The following SYN2 variants were observed in gnomAD, a reference collection of about 807,000 sequenced individuals.
SYN2 encodes the protein synapsin II.
A neutral mutation model predicts 50.9 loss-of-function variants in SYN2; 19 were observed. The ratio of observed to expected loss-of-function variants is 0.37; its 90% CI spans 0.26 to 0.55. The LOEUF (loss-of-function observed/expected upper bound fraction) is 0.55. Among genes scored for constraint, SYN2 ranks in the 20% least tolerant of loss-of-function variants. SYN2 has a pLI of 0.81. For synonymous variants in SYN2, 255 were observed against 224.9 expected (o/e 1.13, Z -1.20); for missense variants, 587 against 576.4 (o/e 1.02, Z -0.19).
intron 1 of SYN2, among the ~76,000 whole-genome samples, chr3:12,048,411 A>C (rs543911707): frequency 6.6e-6 from 1 of 152,244 alleles, no homozygotes; most frequent in Non-Finnish European, 1.5e-5. Flanking sequence ...CAAGTGATCC[A>C]CCTGCTTTGG....
intron 1 of SYN2, among the ~76,000 whole-genome samples, chr3:12,048,043 C>T (rs1274872335): frequency 6.6e-6 from 1 of 152,118 alleles, no homozygotes; most frequent in Non-Finnish European, 1.5e-5. Flanking sequence ...AGATAAAATG[C>T]CCATTGTTTG....
chr3:12,120,682 A>G (rs1260467228), intron 1 of SYN2, among the ~76,000 whole-genome samples: 3 of 152,152 alleles, frequency 2.0e-5, no homozygotes, highest in African/African-American at 7.2e-5. Flanking sequence ...TGTTTTTCAC[A>G]GGCCTCTAGC....
Position 12,191,783 on chromosome 3 carries a change from A to G in SYN2, c.*1158A>G, listed in dbSNP as rs1301449149. On this transcript the variant is annotated 3_prime_UTR_variant, in exon 13 of 13. Coordinates refer to ENST00000621198, the MANE Select transcript of SYN2 (RefSeq NM_133625.6). ...AGACTCACTTGCCTGGTCTATCATC[A>G]AGCTCCTCAGCTGAGGCCCACATGG... 3.9e-5 allele frequency among the ~76,000 whole-genome samples: 6 copies of G among 152,092 alleles called. No homozygotes were observed. Among genetic ancestry groups the G allele is most frequent in the African/African-American group, 1.4e-4 (6 of 41,394 alleles).
intron 5 of SYN2, among the ~76,000 whole-genome samples, chr3:12,160,911 T>G (rs1205749719): frequency 6.6e-6 from 1 of 152,246 alleles, no homozygotes; most frequent in Non-Finnish European, 1.5e-5. Context: ...CCCCTAAGGA[T>G]CTCTCTGCAT....
chr3:12,161,693 C>A, intron 6 of SYN2, 85 bp downstream of exon 6: 1 of 1,431,422 alleles, frequency 7.0e-7, no homozygotes, highest in South Asian at 1.2e-5. Flanking sequence ...GCTATTCTCC[C>A]TCTGTCACTG....
chr3:12,049,944 TTTTG>T (rs954623446), intron 1 of SYN2, among the ~76,000 whole-genome samples: 6 of 151,990 alleles, frequency 3.9e-5, no homozygotes, highest in Non-Finnish European at 7.4e-5. Flanking sequence ...TTTCTTTTTG[TTTTG>T]TTTGTTTTTG....
At chr3:12,108,140 G>GTCCA (rs1361796833) in intron 1 of SYN2, among the ~76,000 whole-genome samples, 1 of 152,088 alleles carries the variant, frequency 6.6e-6, no homozygotes, top group Non-Finnish European at 1.5e-5. Flanking sequence ...AGCCCAAGAG[G>GTCCA]TCCAGGCTGC....
intron 5 of SYN2, among the ~76,000 whole-genome samples, chr3:12,156,159 C>G (rs949118206): frequency 5.3e-5 from 8 of 152,196 alleles, no homozygotes; most frequent in Non-Finnish European, 1.0e-4. Context: ...TTCCCTCCCC[C>G]ACTGCTGTGC....
intron 1 of SYN2, among the ~76,000 whole-genome samples, chr3:12,079,426 T>C (rs938745852): frequency 1.3e-5 from 2 of 152,220 alleles, no homozygotes; most frequent in Non-Finnish European, 2.9e-5. Flanking sequence ...CAGTATGATA[T>C]CGACTGTGGG....
chr3:12,068,166 T>G (rs1453810053), intron 1 of SYN2, among the ~76,000 whole-genome samples: 1 of 152,246 alleles, frequency 6.6e-6, no homozygotes, highest in Non-Finnish European at 1.5e-5. Context: ...TAGAAACATT[T>G]AAAGCTCAAC....
chr3:12,104,567 TTTC>T (rs1332833045), intron 1 of SYN2, among the ~76,000 whole-genome samples: 1,734 of 102,632 alleles, frequency 0.017, 58 homozygotes, highest in African/African-American at 0.066. Flanking sequence ...TTTCTTTTCT[TTTC>T]TTTTTTTTTT....
At chr3:12,134,445 C>G (rs1446740102) in intron 1 of SYN2, among the ~76,000 whole-genome samples, 2 of 152,192 alleles carry the variant, frequency 1.3e-5, no homozygotes, top group Non-Finnish European at 2.9e-5. Flanking sequence ...CTGTAGTGCC[C>G]AGAGCCTCAC....
At chr3:12,112,441 T>C (rs1696341825) in intron 1 of SYN2, among the ~76,000 whole-genome samples, 1 of 152,178 alleles carries the variant, frequency 6.6e-6, no homozygotes, top group Admixed American at 6.6e-5. Context: ...ACCCAGCTTA[T>C]AGCTGTGGAA....
chr3:12,166,207 C>CT (rs1198875312), intron 7 of SYN2, among the ~76,000 whole-genome samples: 16 of 152,286 alleles, frequency 1.1e-4, no homozygotes, highest in African/African-American at 3.6e-4. Context: ...AGGACACTCT[C>CT]TAACAGTATT....
chr3:12,087,835 A>G (rs924857553), intron 1 of SYN2, among the ~76,000 whole-genome samples: 4 of 152,160 alleles, frequency 2.6e-5, no homozygotes, highest in African/African-American at 7.2e-5. Context: ...TGGGGAAAGG[A>G]CAGTCTCTTC....
intron 1 of SYN2, among the ~76,000 whole-genome samples, chr3:12,057,530 A>T (rs1423922215): frequency 6.6e-6 from 1 of 152,280 alleles, no homozygotes; most frequent in African/African-American, 2.4e-5. Context: ...TGAACATTGT[A>T]TAAATTTGGA....
chr3:12,079,543 G>GC (rs2125173225), intron 1 of SYN2, among the ~76,000 whole-genome samples: 1 of 152,248 alleles, frequency 6.6e-6, no homozygotes, highest in South Asian at 2.1e-4. Flanking sequence ...GGACTTTTCT[G>GC]CATCTATTGA....
intron 1 of SYN2, among the ~76,000 whole-genome samples, chr3:12,111,218 C>T (rs917125420): frequency 6.6e-6 from 1 of 152,070 alleles, no homozygotes; most frequent in African/African-American, 2.4e-5. Flanking sequence ...GGAGAGTTCC[C>T]CTGCGGAAGT....
intron 10 of SYN2, among the ~76,000 whole-genome samples, chr3:12,173,027 C>T (rs1425749370): frequency 6.6e-6 from 1 of 152,180 alleles, no homozygotes; most frequent in African/African-American, 2.4e-5. Flanking sequence ...CTTAAAGTTG[C>T]TGTCCAAAAG....
Sources: gnomAD v4.1 joint callset for allele counts (sites outside exome capture counted in the v4.1 genomes callset) on GRCh38, gnomAD v4.1.1 for gene constraint, MANE v1.5 for transcripts, NCBI Gene and HGNC (gene_info 2026-07-23, HGNC 2026-07-21) for gene names.